Variants in MAN1C1 observed in about 807,000 individuals in gnomAD.
The protein encoded by MAN1C1 is mannosidase alpha class 1C member 1.
Under a neutral mutation model 71.5 loss-of-function variants are expected in MAN1C1, and 49 were observed. That is an observed-to-expected ratio of 0.69 (90% CI 0.54 to 0.87). The LOEUF (loss-of-function observed/expected upper bound fraction) is 0.87, where lower values mean the gene tolerates loss of function less well. Among genes scored for constraint, MAN1C1 ranks in the 40% least tolerant of loss-of-function variants. MAN1C1 has a pLI of 0.00. For synonymous variants in MAN1C1, 352 were observed against 343.7 expected, an observed-to-expected ratio of 1.02 and a Z score of -0.27; for missense variants, 743 against 835.0, an observed-to-expected ratio of 0.89 and a Z score of 1.36.
intron 2 of MAN1C1, among the ~76,000 whole-genome samples, chr1:25,745,609 T>C (rs973152261): frequency 2.0e-5 from 3 of 151,698 alleles, no homozygotes; most frequent in African/African-American, 7.2e-5. Flanking sequence ...CCTGCGTGGA[T>C]GACTGCATGG....
intron 1 of MAN1C1, among the ~76,000 whole-genome samples, chr1:25,663,287 C>T (rs1284836219): frequency 6.6e-6 from 1 of 151,762 alleles, no homozygotes; most frequent in Non-Finnish European, 1.5e-5. Flanking sequence ...TAGCACAGTT[C>T]TTAGCATATG....
chr1:25,708,021 T>C (rs1193231350), intron 2 of MAN1C1, among the ~76,000 whole-genome samples: 1 of 152,120 alleles, frequency 6.6e-6, no homozygotes. Context: ...CCAATCCAGA[T>C]CCCATGAGAA....
At chr1:25,679,944 A>G (rs2124158969) in intron 1 of MAN1C1, among the ~76,000 whole-genome samples, 1 of 117,960 alleles carries the variant, frequency 8.5e-6, no homozygotes, top group East Asian at 2.6e-4. Flanking sequence ...TCTCAAAAAA[A>G]AAAAAAATAT....
chr1:25,665,243 C>G (rs1037837737), intron 1 of MAN1C1, among the ~76,000 whole-genome samples: 2 of 152,066 alleles, frequency 1.3e-5, no homozygotes, highest in Admixed American at 6.6e-5. Flanking sequence ...TGGTAACGTC[C>G]CTTTGTGCCT....
At chr1:25,696,926 C>T (rs1354226126) in intron 2 of MAN1C1, among the ~76,000 whole-genome samples, 3 of 152,222 alleles carry the variant, frequency 2.0e-5, no homozygotes, top group South Asian at 2.1e-4. Context: ...GGATTACAGG[C>T]GTGAGCCACC....
chr1:25,757,492 C>T (rs2124363193), intron 5 of MAN1C1, among the ~76,000 whole-genome samples: 2 of 50,922 alleles, frequency 3.9e-5, no homozygotes, highest in East Asian at 2.5e-3. Context: ...TATGAGGAAA[C>T]TGAGGCACGG....
rs1457834266 is a variant in MAN1C1, at chr1:25,782,612, G to A, written c.1678G>A (p.Ala560Thr). 6.2e-7 allele frequency: 1 copy of A among 1,613,982 alleles called. No individual in the cohort carries two copies. The highest frequency in any genetic ancestry group is 2.2e-5 in the East Asian group (1 of 44,884). ...CTTGGAGAAATACTGTCGGACAGAA[G>A]CCGGTTTCTCTGGGATCCAAGACGT... Reference protein sequence around the residue: ...LALEKYCRTEAGFSGIQDVYS... With the variant: ...LALEKYCRTETGFSGIQDVYS... The change falls in exon 11 of 12, where the codon GCC becomes ACC. Residue 560 changes from alanine to threonine, a missense_variant. Physicochemically the swap from Ala to Thr is moderately conservative, Grantham distance 58. Coordinates refer to ENST00000374332, the MANE Select transcript of MAN1C1 (RefSeq NM_020379.4). The surrounding 1 kb of genome is among the most constrained non-coding windows in gnomAD (Gnocchi z 4.4).
intron 9 of MAN1C1, chr1:25,780,580 C>G (rs760944010): frequency 4.9e-5 from 9 of 183,290 alleles, no homozygotes; most frequent in African/African-American, 7.0e-5. Flanking sequence ...ACCCGAAACC[C>G]TCTTGGCTGA....
intron 1 of MAN1C1, among the ~76,000 whole-genome samples, chr1:25,662,924 T>A (rs1190737131): frequency 6.6e-6 from 1 of 151,930 alleles, no homozygotes; most frequent in Non-Finnish European, 1.5e-5. Flanking sequence ...CTGGGTGTGA[T>A]GGCAGGCACC....
chr1:25,758,683 T>C lies in MAN1C1; in HGVS notation c.1021T>C (p.Ser341Pro). 6.2e-7 allele frequency: 1 copy of C among 1,614,168 alleles called. No homozygotes were observed. Among genetic ancestry groups the C allele is most frequent in the Non-Finnish European group, 8.5e-7 (1 of 1,179,984 alleles). ...GGAATTCTTACACCTCACTGAACTC[T>C]CTGGCAACCAGGTCTTCGCTGAAAA... ...HLEFLHLTEL[S>P]GNQVFAEKVR... The change falls in exon 6 of 12, where the codon TCT becomes CCT. Residue 341 changes from serine to proline, a missense_variant. Transcript: ENST00000374332.
intron 1 of MAN1C1, among the ~76,000 whole-genome samples, chr1:25,675,982 T>A (rs2046061575): frequency 6.6e-6 from 1 of 152,186 alleles, no homozygotes; most frequent in Admixed American, 6.5e-5. Context: ...CTGGGGCTCT[T>A]GTTAAACTGC....
rs1297285680 is a variant in MAN1C1 at position 25,782,451 on chromosome 1, A to G, written c.1651-134A>G. 2 of 619,990 alleles carry G rather than the reference A, an allele frequency of 3.2e-6. No individual in the cohort carries two copies. Among genetic ancestry groups the G allele is most frequent in the Non-Finnish European group, 5.8e-6 (2 of 343,344 alleles). The allele number at this position is 619,990 out of a possible 1,614,324, so 38.4% of individuals were successfully genotyped here. A position where few individuals can be genotyped will look rare whatever the true frequency, so the allele number is the denominator to read the frequency against. ...TTGACCTTCTGTTCCCACAAATGCC[A>G]GGAGTCCCCAGCCAAGGGGTGGGGG... On this transcript the variant is annotated intron_variant, in intron 10 of 11. Transcript: ENST00000374332. The surrounding 1 kb of genome is among the most constrained non-coding windows in gnomAD (Gnocchi z 4.4).
intron 1 of MAN1C1, among the ~76,000 whole-genome samples, chr1:25,676,164 G>A (rs1039841247): frequency 1.3e-5 from 2 of 152,180 alleles, no homozygotes; most frequent in Non-Finnish European, 2.9e-5. Context: ...GACAGGATGC[G>A]ATTCCTGAGA....
intron 2 of MAN1C1, among the ~76,000 whole-genome samples, chr1:25,733,416 A>G (rs1437436070): frequency 1.3e-5 from 2 of 150,730 alleles, no homozygotes; most frequent in East Asian, 2.0e-4. Context: ...CCCGCTGCAC[A>G]CAACCTTTAT....
chr1:25,783,639 T>C, intron 11 of MAN1C1, 24 bp from the exon 12 acceptor site: 1 of 1,608,262 alleles, frequency 6.2e-7, no homozygotes, highest in Admixed American at 1.7e-5. Context: ...TGTGTCTTGC[T>C]TCCCTGCCCT....
At chr1:25,758,549 C>T in intron 5 of MAN1C1, 43 bp from the exon 6 acceptor site, 2 of 1,481,414 alleles carry the variant, frequency 1.4e-6, no homozygotes, top group East Asian at 2.5e-5. Flanking sequence ...AGGAGCCAGC[C>T]TGGCCAAAGG....
At chr1:25,728,122 A>G (rs1045576723) in intron 2 of MAN1C1, among the ~76,000 whole-genome samples, 7 of 152,152 alleles carry the variant, frequency 4.6e-5, no homozygotes, top group African/African-American at 1.7e-4. Context: ...CTATTTGAGG[A>G]GCATCTCTCA....
intron 1 of MAN1C1, among the ~76,000 whole-genome samples, chr1:25,621,738 C>G (rs1232133513): frequency 6.6e-6 from 1 of 152,040 alleles, no homozygotes; most frequent in Non-Finnish European, 1.5e-5. Flanking sequence ...TCAAGCGATT[C>G]TCATGACTCA....
At chr1:25,741,213 C>A (rs11580883) in intron 2 of MAN1C1, among the ~76,000 whole-genome samples, 1 of 152,082 alleles carries the variant, frequency 6.6e-6, no homozygotes, top group Non-Finnish European at 1.5e-5. Flanking sequence ...AACTCCTGAC[C>A]TCATGATCCG....
Sources: allele counts gnomAD v4.1 joint callset (sites outside exome capture counted in the v4.1 genomes callset), GRCh38; gene constraint gnomAD v4.1.1; non-coding constraint Gnocchi (gnomAD v3.1); transcripts MANE v1.5; gene names NCBI Gene and HGNC (gene_info 2026-07-23, HGNC 2026-07-21).